MSI2: variants seen among roughly 807,000 people sequenced by gnomAD.
MSI2 encodes musashi RNA binding protein 2, also known as RNA-binding protein Musashi homolog 2.
In MSI2, 17 loss-of-function variants were observed where a neutral mutation model predicts 45.6. The observed-to-expected ratio is 0.37, with a 90% CI of 0.26 to 0.56. The LOEUF (loss-of-function observed/expected upper bound fraction) is 0.56. Among genes scored for constraint, MSI2 ranks in the 20% least tolerant of loss-of-function variants. The pLI, the probability that MSI2 is intolerant of heterozygous loss-of-function variation, is 0.77. For missense variants in MSI2, 293 were observed against 444.2 expected (o/e 0.66, Z 3.06); for synonymous variants, 156 against 158.2 (o/e 0.99, Z 0.11).
chr17:57,472,075 G>A (rs868006469), intron 6 of MSI2, among the ~76,000 whole-genome samples: 9 of 152,182 alleles, frequency 5.9e-5, no homozygotes, highest in African/African-American at 2.2e-4. Context: ...AGGGGGCGAG[G>A]GTGAGAGGCT....
At chr17:57,286,013 G>T in intron 5 of MSI2, 1 of 1,525,936 alleles carries the variant, frequency 6.6e-7, no homozygotes, top group Non-Finnish European at 8.7e-7. Context: ...TCTGATGAGG[G>T]TAAGAAAAAG....
chr17:57,500,832 A>T (rs922608767), intron 6 of MSI2, among the ~76,000 whole-genome samples: 1 of 148,572 alleles, frequency 6.7e-6, no homozygotes, highest in Non-Finnish European at 1.5e-5. Context: ...GCATGGTGGC[A>T]TGTGCATGTA....
chr17:57,695,536 C>T, the MSI2 span, among the ~76,000 whole-genome samples: 1 of 152,172 alleles, frequency 6.6e-6, no homozygotes, highest in African/African-American at 2.4e-5. Context: ...TCCAGCTCCT[C>T]AGCCTGGAGG....
chr17:57,616,247 T>C, intron 9 of MSI2, 163 bp downstream of exon 9: 1 of 596,134 alleles, frequency 1.7e-6, no homozygotes. Context: ...AAGACAGTTG[T>C]GATGATTAAG....
chr17:57,551,400 G>T (rs1420736850), intron 7 of MSI2, among the ~76,000 whole-genome samples: 2 of 152,176 alleles, frequency 1.3e-5, no homozygotes, highest in Non-Finnish European at 2.9e-5. Flanking sequence ...TGCTGCCGGA[G>T]GGAGGGCGGA....
At chr17:57,615,020 G>A (rs935851098) in intron 8 of MSI2, among the ~76,000 whole-genome samples, 18 of 152,000 alleles carry the variant, frequency 1.2e-4, no homozygotes, top group African/African-American at 3.6e-4. Context: ...GTGTGGTGGT[G>A]GTGTAGGTTT....
chr17:57,337,210 C>T (rs1914751718), intron 5 of MSI2, among the ~76,000 whole-genome samples: 1 of 152,214 alleles, frequency 6.6e-6, no homozygotes, highest in African/African-American at 2.4e-5. Flanking sequence ...TCCCAACTTA[C>T]AGAAGCCAGT....
intron 6 of MSI2, among the ~76,000 whole-genome samples, chr17:57,475,336 C>T (rs546493494): frequency 2.0e-5 from 3 of 152,214 alleles, no homozygotes; most frequent in Admixed American, 6.5e-5. Flanking sequence ...ATGGTGGGAA[C>T]GTGGGTGAGT....
rs12452209 is a variant in MSI2 at position 57,641,838 on chromosome 17, A to G, written c.728-10261A>G. On this transcript the variant is annotated intron_variant, in intron 10 of 13. Coordinates refer to ENST00000284073, the MANE Select transcript of MSI2 (RefSeq NM_138962.4). ...GTGGGGAAGTGGGTGTCCCTGGCCT[A>G]TTGAGGAGCCACAGGCTGCTGGCAC... Among the ~76,000 whole-genome samples the G allele has an allele frequency of 6.7e-3, 1,019 of 152,306 alleles. 5 individuals carry two copies. Among genetic ancestry groups the G allele is most frequent in the Middle Eastern group, 0.02 (6 of 294 alleles).
intron 8 of MSI2, among the ~76,000 whole-genome samples, chr17:57,615,755 A>G (rs1227540824): frequency 2.0e-5 from 3 of 152,026 alleles, no homozygotes; most frequent in African/African-American, 7.2e-5. Context: ...TCCAGAACCC[A>G]GTTTCATCCT....
chr17:57,444,625 GC>G (rs2084861886), intron 6 of MSI2: 1 of 152,178 alleles, frequency 6.6e-6, no homozygotes, highest in Non-Finnish European at 1.5e-5. Flanking sequence ...GATGCCCAGA[GC>G]CCTTCACTGT....
chr17:57,578,232 G>A (rs565176929), intron 7 of MSI2, among the ~76,000 whole-genome samples: 3 of 152,272 alleles, frequency 2.0e-5, no homozygotes, highest in Admixed American at 1.3e-4. Flanking sequence ...TTCCCACCAC[G>A]TTTGACATGA....
intron 5 of MSI2, among the ~76,000 whole-genome samples, chr17:57,269,540 C>A (rs573187755): frequency 2.4e-4 from 36 of 152,322 alleles, no homozygotes; most frequent in Non-Finnish European, 1.0e-4. Flanking sequence ...TTAGCAGATG[C>A]CACCTCTACC....
chr17:57,488,819 C>T (rs1241259649), intron 6 of MSI2, among the ~76,000 whole-genome samples: 1 of 150,542 alleles, frequency 6.6e-6, no homozygotes, highest in African/African-American at 2.5e-5. Context: ...AGTGAAACTC[C>T]GTCTAAAAAA....
intron 7 of MSI2, among the ~76,000 whole-genome samples, chr17:57,575,944 C>CAAAAAAA (rs34036311): frequency 3.1e-5 from 2 of 64,428 alleles, no homozygotes; most frequent in Non-Finnish European, 3.4e-5. Context: ...GACTCCGTCT[C>CAAAAAAA]AAAAAAAAAA....
intron 6 of MSI2, among the ~76,000 whole-genome samples, chr17:57,456,787 A>G (rs2085124413): frequency 6.6e-6 from 1 of 152,158 alleles, no homozygotes; most frequent in African/African-American, 2.4e-5. Context: ...GGACTGCATC[A>G]TCTTGGAGTT....
At chr17:57,274,960 C>T (rs562193303) in intron 5 of MSI2, among the ~76,000 whole-genome samples, 1 of 152,296 alleles carries the variant, frequency 6.6e-6, no homozygotes, top group Non-Finnish European at 1.5e-5. Flanking sequence ...ATGATGAATA[C>T]TGAGAAAATG....
At chr17:57,632,754 G>C (rs957096494) in intron 10 of MSI2, 3 of 1,065,702 alleles carry the variant, frequency 2.8e-6, no homozygotes, top group Admixed American at 1.1e-4. Context: ...AAGAGTCACT[G>C]CTTTGTCTGT....
intron 5 of MSI2, among the ~76,000 whole-genome samples, chr17:57,324,372 C>T (rs896564047): frequency 1.3e-5 from 2 of 152,188 alleles, no homozygotes; most frequent in African/African-American, 4.8e-5. Context: ...TACCCGCTGG[C>T]TCCCGCGGTC....
Sources: gnomAD v4.1 joint callset for allele counts (sites outside exome capture counted in the v4.1 genomes callset) on GRCh38, gnomAD v4.1.1 for gene constraint, MANE v1.5 for transcripts, NCBI Gene and HGNC (gene_info 2026-07-23, HGNC 2026-07-21) for gene names.